Variants in KALRN observed in about 807,000 individuals in gnomAD.
The protein encoded by KALRN is kalirin RhoGEF kinase, also known as kalirin.
Under a neutral mutation model 353.7 loss-of-function variants are expected in KALRN, and 70 were observed. The ratio of observed to expected loss-of-function variants is 0.20; its 90% CI spans 0.16 to 0.24. KALRN has a LOEUF of 0.24. Among genes scored for constraint, KALRN ranks in the 10% least tolerant of loss-of-function variants. The pLI, the probability that KALRN is intolerant of heterozygous loss-of-function variation, is 1.00. For missense variants in KALRN, 2,791 were observed against 3,756.7 expected, an observed-to-expected ratio of 0.74 and a Z score of 6.72; for synonymous variants, 1,391 against 1,434.8, an observed-to-expected ratio of 0.97 and a Z score of 0.69.
intron 17 of KALRN, among the ~76,000 whole-genome samples, chr3:124,436,970 G>T (rs2093485131): frequency 6.9e-6 from 1 of 143,932 alleles, no homozygotes; most frequent in African/African-American, 2.6e-5. Context: ...TGGGACTAGG[G>T]AAGTCACCTC....
chr3:124,205,943 A>T (rs2076373568), intron 1 of KALRN, among the ~76,000 whole-genome samples: 1 of 152,154 alleles, frequency 6.6e-6, no homozygotes, highest in Non-Finnish European at 1.5e-5. Flanking sequence ...TACCTAGATC[A>T]CTGACATATT....
intron 6 of KALRN, among the ~76,000 whole-genome samples, chr3:124,299,717 A>G (rs978087069): frequency 6.6e-6 from 1 of 152,232 alleles, no homozygotes; most frequent in South Asian, 2.1e-4. Context: ...TGCCTGGCAC[A>G]TAGTAAGTCA....
intron 34 of KALRN, chr3:124,584,715 G>A (rs2074956783): frequency 2.7e-6 from 4 of 1,485,730 alleles, no homozygotes; most frequent in South Asian, 2.7e-5. Flanking sequence ...CAGCGGGGAG[G>A]GCGGGAGCCG....
chr3:124,486,178 A>C (rs2062550908), intron 28 of KALRN, among the ~76,000 whole-genome samples: 1 of 152,216 alleles, frequency 6.6e-6, no homozygotes, highest in Non-Finnish European at 1.5e-5. Context: ...TCCTTATCAT[A>C]AAGTATAGCA....
At chr3:124,658,318 G>T in intron 41 of KALRN, 113 bp from the exon 42 acceptor site, 2 of 789,122 alleles carry the variant, frequency 2.5e-6, no homozygotes, top group South Asian at 2.9e-5. Context: ...GCCTTGGTGC[G>T]TCCCCAAGTG....
chr3:124,640,344 C>A (rs1161600322), intron 37 of KALRN, among the ~76,000 whole-genome samples: 4 of 144,808 alleles, frequency 2.8e-5, no homozygotes, highest in Non-Finnish European at 6.0e-5. Flanking sequence ...TGGAGTGCAG[C>A]GGCATGATCT....
At chr3:124,463,107 G>A (rs1163106690) in intron 25 of KALRN, among the ~76,000 whole-genome samples, 4 of 152,082 alleles carry the variant, frequency 2.6e-5, no homozygotes, top group African/African-American at 9.7e-5. Context: ...ACTCTGTTTT[G>A]TTGGAATAAG....
At chr3:124,319,150 T>C (rs572433174) in intron 6 of KALRN, among the ~76,000 whole-genome samples, 2 of 151,990 alleles carry the variant, frequency 1.3e-5, no homozygotes, top group African/African-American at 2.4e-5. Flanking sequence ...CCCAGCTAAA[T>C]GTATTAAAGA....
At chr3:124,684,712 C>G (rs1330348142) in intron 51 of KALRN, among the ~76,000 whole-genome samples, 3 of 152,154 alleles carry the variant, frequency 2.0e-5, no homozygotes, top group Non-Finnish European at 4.4e-5. Flanking sequence ...AGATCCCGAC[C>G]GAAGAGGACG....
chr3:124,613,200 TAA>T (rs11353138), intron 34 of KALRN, among the ~76,000 whole-genome samples: 1 of 151,502 alleles, frequency 6.6e-6, no homozygotes, highest in African/African-American at 2.4e-5. Flanking sequence ...TTGCCTCCTT[TAA>T]AAAAAAAATA....
chr3:124,132,839 A>G (rs1260574125), intron 1 of KALRN: 1 of 153,948 alleles, frequency 6.5e-6, no homozygotes, highest in Non-Finnish European at 1.5e-5. Context: ...TGAAGACACA[A>G]ATTCTCCCCT....
At chr3:124,124,156 T>C (rs139475622) in intron 1 of KALRN, among the ~76,000 whole-genome samples, 1 of 152,362 alleles carries the variant, frequency 6.6e-6, no homozygotes, top group Non-Finnish European at 1.5e-5. Flanking sequence ...TCATTGTAGA[T>C]GCCTTAAGAA....
At chr3:124,177,837 G>A (rs1579010180) in intron 1 of KALRN, among the ~76,000 whole-genome samples, 1 of 152,160 alleles carries the variant, frequency 6.6e-6, no homozygotes, top group East Asian at 1.9e-4. Context: ...ATCCTCTGCA[G>A]TTTTCCCAGT....
intron 26 of KALRN, 21 bp downstream of exon 26, chr3:124,474,753 C>T: frequency 6.3e-7 from 1 of 1,592,106 alleles, no homozygotes; most frequent in Non-Finnish European, 8.6e-7. Flanking sequence ...TGAAATCCTT[C>T]TCCCACTGCC....
rs963746423 is a variant in KALRN, at chr3:124,722,576, GT to G, written c.*3108del. On this transcript the variant is annotated 3_prime_UTR_variant, in exon 60 of 60. Coordinates refer to ENST00000682506, the MANE Select transcript of KALRN (RefSeq NM_001388419.1). ...TTGGTTCAAGAGTTCTCCACAGCAAGTTGGAAATAACAAGGAATCCCAGATG... is the reference window on the plus strand; with the variant it reads ...TTGGTTCAAGAGTTCTCCACAGCAAGTGGAAATAACAAGGAATCCCAGATG... The G allele has an allele frequency of 2.0e-5, 3 of 152,200 alleles. No individual in the cohort carries two copies. Among genetic ancestry groups the G allele is most frequent in the Admixed American group, 1.3e-4 (2 of 15,272 alleles). 9.4% of individuals were successfully genotyped at this position (152,200 alleles called of 1,614,324 possible). A position where few individuals can be genotyped will look rare whatever the true frequency, so the allele number is the denominator to read the frequency against.
chr3:124,684,268 G>T (rs560778486), intron 51 of KALRN, among the ~76,000 whole-genome samples: 2 of 152,028 alleles, frequency 1.3e-5, no homozygotes, highest in East Asian at 3.9e-4. Flanking sequence ...ACCATCCTGC[G>T]GCCACTTGGT....
At chr3:124,340,815 G>T (rs1175259808) in intron 9 of KALRN, among the ~76,000 whole-genome samples, 1 of 152,058 alleles carries the variant, frequency 6.6e-6, no homozygotes, top group Non-Finnish European at 1.5e-5. Context: ...CATTACCCAG[G>T]CATGGTGATG....
intron 1 of KALRN, among the ~76,000 whole-genome samples, chr3:124,216,007 A>C (rs1399078228): frequency 6.6e-6 from 1 of 152,174 alleles, no homozygotes; most frequent in Non-Finnish European, 1.5e-5. Context: ...GGGTGTCATA[A>C]GTTTGGAAGG....
chr3:124,088,996 GGGT>G (rs898082775), intron 1 of KALRN, among the ~76,000 whole-genome samples: 1 of 151,842 alleles, frequency 6.6e-6, no homozygotes, highest in Non-Finnish European at 1.5e-5. Flanking sequence ...ATTTAACAGT[GGGT>G]GGCCCTGTGG....
Sources: gnomAD v4.1 joint callset for allele counts (sites outside exome capture counted in the v4.1 genomes callset) on GRCh38, gnomAD v4.1.1 for gene constraint, MANE v1.5 for transcripts, NCBI Gene and HGNC (gene_info 2026-07-23, HGNC 2026-07-21) for gene names.